The following ANKS1B variants were observed in gnomAD, a reference collection of about 807,000 sequenced individuals.
ANKS1B encodes ankyrin repeat and sterile alpha motif domain-containing protein 1B.
Under a neutral mutation model 148.3 loss-of-function variants are expected in ANKS1B, and 36 were observed. The ratio of observed to expected loss-of-function variants is 0.24; its 90% CI spans 0.19 to 0.32. The LOEUF (loss-of-function observed/expected upper bound fraction) is 0.32, where lower values mean the gene tolerates loss of function less well. Among genes scored for constraint, ANKS1B ranks in the 10% least tolerant of loss-of-function variants. The pLI, the probability that ANKS1B is intolerant of heterozygous loss-of-function variation, is 1.00. For missense variants in ANKS1B, 1,157 were observed against 1,542.6 expected, an observed-to-expected ratio of 0.75 and a Z score of 4.19; for synonymous variants, 542 against 560.8, an observed-to-expected ratio of 0.97 and a Z score of 0.47.
intron 9 of ANKS1B, among the ~76,000 whole-genome samples, chr12:98,737,915 G>A (rs1188926611): frequency 6.6e-6 from 1 of 152,134 alleles, no homozygotes. Flanking sequence ...AGGAGAAAAT[G>A]ATTTTCTAAT....
rs542222877 is a variant in ANKS1B at position 99,445,292 on chromosome 12, G to C, written c.1439-1483C>G. ...GAACACTTATTTGGGGCAACTATGA[G>C]TCAAATATTATGTTATGTTCTAAAG... On this transcript the variant is annotated intron_variant, in intron 10 of 26. Transcript: ENST00000683438. Among the ~76,000 whole-genome samples, 12 of 152,052 alleles carry C rather than the reference G, an allele frequency of 7.9e-5. No individual in the cohort carries two copies. In the South Asian group the frequency reaches 2.5e-3, roughly 32 times the overall value.
intron 17 of ANKS1B, among the ~76,000 whole-genome samples, chr12:98,890,571 T>C (rs1249747828): frequency 1.3e-5 from 2 of 152,340 alleles, no homozygotes; most frequent in South Asian, 2.1e-4. Flanking sequence ...TGTCTAAACA[T>C]AGGGAAATGA....
intron 14 of ANKS1B, among the ~76,000 whole-genome samples, chr12:99,190,216 C>T (rs1402546583): frequency 2.0e-5 from 3 of 152,158 alleles, no homozygotes; most frequent in Non-Finnish European, 4.4e-5. Context: ...GAAAAACATT[C>T]CATGCTCATG....
At chr12:99,017,362 T>G (rs1384051367) in intron 17 of ANKS1B, among the ~76,000 whole-genome samples, 1 of 152,194 alleles carries the variant, frequency 6.6e-6, no homozygotes, top group East Asian at 1.9e-4. Flanking sequence ...GCCCGAATTC[T>G]GATAGGATAG....
intron 10 of ANKS1B, among the ~76,000 whole-genome samples, chr12:99,457,374 C>A (rs935498910): frequency 8.0e-5 from 12 of 150,658 alleles, no homozygotes; most frequent in African/African-American, 2.7e-4. Context: ...GAAAAAAAAA[C>A]CAAGGTATTC....
chr12:98,944,576 G>A (rs1011139789), intron 17 of ANKS1B, among the ~76,000 whole-genome samples: 2 of 152,084 alleles, frequency 1.3e-5, no homozygotes, highest in Non-Finnish European at 2.9e-5. Flanking sequence ...TATTATATAT[G>A]CATACAAACT....
chr12:99,308,893 TAA>T (rs1491189835), intron 12 of ANKS1B, among the ~76,000 whole-genome samples: 5 of 149,360 alleles, frequency 3.3e-5, no homozygotes, highest in Non-Finnish European at 5.9e-5. Flanking sequence ...TATATTTGTA[TAA>T]TATATATAGT....
chr12:99,315,437 A>G (rs1024443518), intron 12 of ANKS1B, among the ~76,000 whole-genome samples: 1 of 152,210 alleles, frequency 6.6e-6, no homozygotes, highest in Non-Finnish European at 1.5e-5. Context: ...GAAGACATTT[A>G]TGCAGCCAAC....
intron 4 of ANKS1B, among the ~76,000 whole-genome samples, chr12:99,788,460 A>G (rs1042301852): frequency 2.6e-5 from 4 of 152,170 alleles, no homozygotes; most frequent in African/African-American, 9.7e-5. Flanking sequence ...CTAAATAAGC[A>G]GCAGCAATAA....
chr12:99,723,046 C>T (rs914945025), intron 8 of ANKS1B, among the ~76,000 whole-genome samples: 1 of 152,220 alleles, frequency 6.6e-6, no homozygotes, highest in African/African-American at 2.4e-5. Flanking sequence ...CTCATGAAAT[C>T]ACAACACCAG....
chr12:99,916,006 T>C (rs150641930), intron 1 of ANKS1B, among the ~76,000 whole-genome samples: 2 of 152,136 alleles, frequency 1.3e-5, no homozygotes, highest in East Asian at 3.9e-4. Flanking sequence ...CCACATTGGA[T>C]TAGGGGCACA....
At chr12:98,812,689 T>G (rs1594466733) in intron 19 of ANKS1B, among the ~76,000 whole-genome samples, 1 of 152,082 alleles carries the variant, frequency 6.6e-6, no homozygotes, top group Non-Finnish European at 1.5e-5. Flanking sequence ...TTCTTGTACC[T>G]CAGCCACTCG....
At position 99,655,026 on chromosome 12, in the gene ANKS1B, C is replaced by A. The variant is rs1416500514; in HGVS notation, c.1272+41G>T. On this transcript the variant is annotated intron_variant, in intron 9 of 26. Transcript: ENST00000683438. Reference sequence around the variant, plus strand: ...ATTTTATCTTAAAAACATAGGCAACCATTTTTGTTTTATTGTACCTTAATA... The same window carrying A: ...ATTTTATCTTAAAAACATAGGCAACAATTTTTGTTTTATTGTACCTTAATA... 3.3e-6 allele frequency: 5 copies of A among 1,520,612 alleles called. No individual in the cohort carries two copies. The South Asian group carries it at 5.3e-5, about 16-fold the overall frequency. 94.2% of individuals were successfully genotyped at this position (1,520,612 alleles called of 1,614,324 possible). A position where few individuals can be genotyped will look rare whatever the true frequency, so the allele number is the denominator to read the frequency against.
chr12:99,557,405 C>A (rs1183943303), intron 9 of ANKS1B, among the ~76,000 whole-genome samples: 1 of 151,988 alleles, frequency 6.6e-6, no homozygotes, highest in Non-Finnish European at 1.5e-5. Flanking sequence ...ATTCAGAGTA[C>A]CAGTATTTGA....
At chr12:99,549,398 G>C (rs1017557290) in intron 9 of ANKS1B, among the ~76,000 whole-genome samples, 2 of 152,196 alleles carry the variant, frequency 1.3e-5, no homozygotes, top group African/African-American at 4.8e-5. Flanking sequence ...GATGGTTTTT[G>C]AAGTCTTAGT....
rs565229960 is a variant in ANKS1B at position 99,778,433 on chromosome 12, G to C, written c.847+1438C>G. The stretch of plus-strand genomic sequence containing the variant: ...TGAGGCAGGAGAATCACTTGAACCC[G>C]GGAGGCGGAGGCTGCAGTGAGCCAA... On this transcript the variant is annotated intron_variant, in intron 6 of 26. Coordinates refer to ENST00000683438, the MANE Select transcript of ANKS1B (RefSeq NM_001352186.2). 1.4e-3 allele frequency among the ~76,000 whole-genome samples: 207 copies of C among 151,454 alleles called. 1 individual carries two copies. Among genetic ancestry groups the C allele is most frequent in the African/African-American group, 5.0e-3 (205 of 41,298 alleles).
chr12:98,948,587 G>A (rs942967135), intron 17 of ANKS1B, among the ~76,000 whole-genome samples: 8 of 152,038 alleles, frequency 5.3e-5, no homozygotes, highest in Admixed American at 3.9e-4. Context: ...ATTAACCAAC[G>A]ACCTGCCAAA....
intron 8 of ANKS1B, among the ~76,000 whole-genome samples, chr12:99,701,644 A>T (rs990263805): frequency 2.0e-5 from 3 of 151,920 alleles, no homozygotes; most frequent in Admixed American, 2.0e-4. Context: ...ATTGTATCTA[A>T]CCATATTCTT....
intron 15 of ANKS1B, among the ~76,000 whole-genome samples, chr12:99,115,628 T>TAA (rs34984761): frequency 1.3e-5 from 2 of 150,936 alleles, no homozygotes; most frequent in Non-Finnish European, 3.0e-5. Context: ...AAATAAAAGT[T>TAA]AAAAAAAAAA....
Sources: allele counts gnomAD v4.1 joint callset (sites outside exome capture counted in the v4.1 genomes callset), GRCh38; gene constraint gnomAD v4.1.1; transcripts MANE v1.5; gene names NCBI Gene and HGNC (gene_info 2026-07-23, HGNC 2026-07-21).